Variants in CSMD1 observed in about 807,000 individuals in gnomAD.
CSMD1 encodes the protein CUB and sushi domain-containing protein 1.
In CSMD1, 213 loss-of-function variants were observed where a neutral mutation model predicts 417.5. The observed-to-expected ratio is 0.51, with a 90% CI of 0.46 to 0.57. The LOEUF (loss-of-function observed/expected upper bound fraction) is 0.57. Among genes scored for constraint, CSMD1 ranks in the 20% least tolerant of loss-of-function variants. CSMD1 has a pLI of 0.00. For synonymous variants in CSMD1, 2,862 were observed against 1,736.8 expected, an observed-to-expected ratio of 1.65 and a Z score of -16.11; for missense variants, 6,923 against 4,529.7, an observed-to-expected ratio of 1.53 and a Z score of -15.17.
chr8:3,964,445 A>G (rs1306081739), intron 5 of CSMD1, among the ~76,000 whole-genome samples: 1 of 152,152 alleles, frequency 6.6e-6, no homozygotes, highest in African/African-American at 2.4e-5. Flanking sequence ...AGCCAGTGGA[A>G]GGAGACACAG....
chr8:3,666,824 G>C (rs2117492090), intron 7 of CSMD1, among the ~76,000 whole-genome samples: 1 of 152,250 alleles, frequency 6.6e-6, no homozygotes, highest in South Asian at 2.1e-4. Flanking sequence ...GGAACTGTGA[G>C]TCCATTAAAT....
At chr8:3,540,419 T>G (rs573154401) in intron 10 of CSMD1, among the ~76,000 whole-genome samples, 2 of 152,124 alleles carry the variant, frequency 1.3e-5, no homozygotes, top group East Asian at 3.9e-4. Flanking sequence ...AACCCAAAAC[T>G]ATAAAAACCC....
intron 30 of CSMD1, among the ~76,000 whole-genome samples, chr8:3,212,931 C>T (rs762882870): frequency 2.5e-4 from 38 of 149,926 alleles, no homozygotes; most frequent in African/African-American, 8.4e-4. Context: ...CGGGTTCAAG[C>T]GATTCTCCTG....
intron 5 of CSMD1, among the ~76,000 whole-genome samples, chr8:3,969,073 C>T (rs748219799): frequency 6.6e-6 from 1 of 152,028 alleles, no homozygotes; most frequent in Non-Finnish European, 1.5e-5. Context: ...CAACATGGTG[C>T]AAGCACATCT....
At chr8:3,299,786 C>A (rs779037402) in intron 25 of CSMD1, among the ~76,000 whole-genome samples, 7 of 152,078 alleles carry the variant, frequency 4.6e-5, no homozygotes, top group Non-Finnish European at 7.4e-5. Flanking sequence ...CAGATATAAC[C>A]AATAAAATGT....
intron 55 of CSMD1, among the ~76,000 whole-genome samples, chr8:2,977,189 G>C (rs1237767393): frequency 1.3e-5 from 2 of 152,114 alleles, no homozygotes; most frequent in African/African-American, 2.4e-5. Flanking sequence ...ATGGTGGTTT[G>C]CTGCACCTAT....
intron 2 of CSMD1, among the ~76,000 whole-genome samples, chr8:4,584,372 T>G (rs954771117): frequency 1.3e-5 from 2 of 152,046 alleles, no homozygotes; most frequent in Non-Finnish European, 2.9e-5. Context: ...ATCAGACCCC[T>G]TTCGCTTGCT....
At chr8:3,241,372 A>C (rs139746384) in intron 26 of CSMD1, among the ~76,000 whole-genome samples, 2 of 151,846 alleles carry the variant, frequency 1.3e-5, no homozygotes, top group East Asian at 3.9e-4. Flanking sequence ...GGTAGCCTCC[A>C]TATTGATTAA....
At chr8:4,459,708 T>C (rs1239996464) in intron 2 of CSMD1, among the ~76,000 whole-genome samples, 2 of 152,074 alleles carry the variant, frequency 1.3e-5, no homozygotes, top group African/African-American at 2.4e-5. Context: ...CCAGAGCAAG[T>C]TCAGAAATAA....
chr8:4,325,189 C>T (rs1563056790), intron 3 of CSMD1, among the ~76,000 whole-genome samples: 3 of 152,174 alleles, frequency 2.0e-5, no homozygotes, highest in Admixed American at 1.3e-4. Flanking sequence ...ACAAAGGAAA[C>T]TGTCATGAAA....
At chr8:3,509,251 T>A (rs1264861543) in intron 10 of CSMD1, among the ~76,000 whole-genome samples, 2 of 152,180 alleles carry the variant, frequency 1.3e-5, no homozygotes. Context: ...AACACAGAGA[T>A]GAAAGGAGAT....
intron 5 of CSMD1, among the ~76,000 whole-genome samples, chr8:3,849,264 G>T (rs902283236): frequency 1.3e-5 from 2 of 152,084 alleles, no homozygotes; most frequent in African/African-American, 2.4e-5. Context: ...CAGGAACACG[G>T]GTGCATGTGA....
chr8:3,782,615 T>G (rs1338160441), intron 5 of CSMD1, among the ~76,000 whole-genome samples: 2 of 152,214 alleles, frequency 1.3e-5, no homozygotes, highest in Non-Finnish European at 2.9e-5. Flanking sequence ...CTGCACGTTG[T>G]GCACATGTAC....
chr8:3,151,904 G>T lies in CSMD1; in HGVS notation c.5915-391C>A, dbSNP rs530963361. Among the ~76,000 whole-genome samples, 3 of 152,282 alleles carry T rather than the reference G, an allele frequency of 2.0e-5. No homozygotes were observed. The East Asian group carries it at 5.8e-4, about 29-fold the overall frequency. On this transcript the variant is annotated intron_variant, in intron 39 of 69. Coordinates refer to ENST00000635120, the MANE Select transcript of CSMD1 (RefSeq NM_033225.6). ...AACTATGTGGTACTTACTGTGCCTA[G>T]ATAAATACATTGCATAGATTAACTC...
chr8:4,427,484 C>T (rs1797629339), intron 2 of CSMD1, among the ~76,000 whole-genome samples: 1 of 57,204 alleles, frequency 1.7e-5, no homozygotes, highest in East Asian at 3.1e-4. Context: ...GAGACTTAAT[C>T]AAATACACAC....
chr8:3,856,486 TGAG>T (rs1483814830), intron 5 of CSMD1, among the ~76,000 whole-genome samples: 8 of 152,154 alleles, frequency 5.3e-5, no homozygotes, highest in Admixed American at 3.9e-4. Flanking sequence ...TCTTAATTGG[TGAG>T]GAGGAGAACT....
chr8:3,359,153 C>A lies in CSMD1; in HGVS notation c.3303G>T (p.Val1101=), dbSNP rs1808991460. The change falls in exon 21 of 70, where the codon GTG becomes GTT. Residue 1101 remains valine, a splice_region_variant and synonymous_variant. Transcript: ENST00000635120. ...AAATGAAAGCGTGTGACCACCTACCCACACACCTTGGCAGAGGTGCACTCC... is the reference window on the plus strand; with the variant it reads ...AAATGAAAGCGTGTGACCACCTACCAACACACCTTGGCAGAGGTGCACTCC... ...RVWSAPLPRC[V]AECGASVKGN... 6.2e-7 allele frequency: 1 copy of A among 1,613,762 alleles called. No homozygotes were observed. Among genetic ancestry groups the A allele is most frequent in the African/African-American group, 1.3e-5 (1 of 74,876 alleles).
intron 3 of CSMD1, among the ~76,000 whole-genome samples, chr8:4,180,296 A>T (rs913173588): frequency 6.6e-6 from 1 of 152,020 alleles, no homozygotes; most frequent in Non-Finnish European, 1.5e-5. Context: ...ATGACACTGG[A>T]AATCATCATT....
intron 26 of CSMD1, among the ~76,000 whole-genome samples, chr8:3,232,495 G>C (rs1233227337): frequency 6.6e-6 from 1 of 152,080 alleles, no homozygotes; most frequent in African/African-American, 2.4e-5. Flanking sequence ...CTTCTTGATG[G>C]ATCTTTGGGT....
Sources: allele counts gnomAD v4.1 joint callset (sites outside exome capture counted in the v4.1 genomes callset), GRCh38; gene constraint gnomAD v4.1.1; transcripts MANE v1.5; gene names NCBI Gene and HGNC (gene_info 2026-07-23, HGNC 2026-07-21).